ARL15: variants seen among roughly 807,000 people sequenced by gnomAD.
ARL15 encodes ARF like GTPase 15.
Under a neutral mutation model 25.2 loss-of-function variants are expected in ARL15, and 19 were observed. That is an observed-to-expected ratio of 0.75 (90% CI 0.53 to 1.10). The LOEUF is 1.10. ARL15 is among the 50% of genes least tolerant of loss of function. The pLI is 0.00. For synonymous variants in ARL15, 94 were observed against 86.8 expected, an observed-to-expected ratio of 1.08 and a Z score of -0.46; for missense variants, 220 against 246.0, an observed-to-expected ratio of 0.89 and a Z score of 0.71.
At chr5:53,996,618 T>TAAAAA (rs529752025) in intron 4 of ARL15, among the ~76,000 whole-genome samples, 3 of 98,852 alleles carry the variant, frequency 3.0e-5, no homozygotes, top group African/African-American at 1.1e-4. Flanking sequence ...GACTGTCTCA[T>TAAAAA]AAAAAAAAAA....
chr5:53,956,201 G>T (rs895002771), intron 4 of ARL15, among the ~76,000 whole-genome samples: 9 of 151,884 alleles, frequency 5.9e-5, no homozygotes, highest in Non-Finnish European at 1.2e-4. Context: ...CTGAATGGAA[G>T]CTAAAGGAAT....
At chr5:53,891,945 A>G (rs1297648116) in intron 4 of ARL15, among the ~76,000 whole-genome samples, 1 of 152,318 alleles carries the variant, frequency 6.6e-6, no homozygotes, top group East Asian at 1.9e-4. Context: ...CAAAACAACA[A>G]CAGCAGTGGT....
chr5:54,294,058 G>A (rs1002807136), intron 1 of ARL15, among the ~76,000 whole-genome samples: 7 of 152,062 alleles, frequency 4.6e-5, no homozygotes, highest in African/African-American at 4.8e-5. Context: ...CATGTGATCC[G>A]CCTGCCTCGG....
chr5:53,917,565 C>T (rs1318887325), intron 4 of ARL15, among the ~76,000 whole-genome samples: 3 of 152,112 alleles, frequency 2.0e-5, no homozygotes, highest in Non-Finnish European at 4.4e-5. Context: ...AGAAAACAAC[C>T]CCACCTCCTG....
chr5:53,977,377 T>A (rs913748541), intron 4 of ARL15, among the ~76,000 whole-genome samples: 51 of 141,218 alleles, frequency 3.6e-4, no homozygotes, highest in Admixed American at 3.0e-3. Flanking sequence ...AAAAAAAAAA[T>A]TCCCACTAAT....
At chr5:53,948,892 C>T (rs187466396) in intron 4 of ARL15, among the ~76,000 whole-genome samples, 3 of 152,140 alleles carry the variant, frequency 2.0e-5, no homozygotes, top group East Asian at 1.9e-4. Flanking sequence ...GTACATAGCC[C>T]GGAGCTGAAG....
At chr5:54,055,401 C>T (rs1750836870) in intron 4 of ARL15, among the ~76,000 whole-genome samples, 2 of 146,172 alleles carry the variant, frequency 1.4e-5, no homozygotes, top group South Asian at 4.4e-4. Context: ...TGCTCTGTCG[C>T]CCAGGCTGGA....
intron 4 of ARL15, among the ~76,000 whole-genome samples, chr5:54,051,904 G>T (rs1421389173): frequency 6.6e-6 from 1 of 152,128 alleles, no homozygotes; most frequent in African/African-American, 2.4e-5. Context: ...TCTTCCAATA[G>T]AAGAATCGAC....
At chr5:53,890,002 A>G (rs558562600) in intron 4 of ARL15, among the ~76,000 whole-genome samples, 3 of 152,172 alleles carry the variant, frequency 2.0e-5, no homozygotes, top group Non-Finnish European at 2.9e-5. Context: ...TAGTAGAGAC[A>G]GAATTTCACC....
intron 4 of ARL15, among the ~76,000 whole-genome samples, chr5:54,011,267 A>G (rs910686651): frequency 1.3e-5 from 2 of 152,180 alleles, no homozygotes; most frequent in African/African-American, 4.8e-5. Flanking sequence ...AGATTATAAA[A>G]CTGTAAAATT....
At chr5:54,087,063 G>A (rs115885520) in intron 4 of ARL15, among the ~76,000 whole-genome samples, 6,681 of 152,156 alleles carry the variant, frequency 0.044, 232 homozygotes, top group Middle Eastern at 0.068. Flanking sequence ...GTCACTGGGC[G>A]TGGTGGCTCA....
intron 4 of ARL15, among the ~76,000 whole-genome samples, chr5:54,043,205 C>CT (rs34940501): frequency 1.0e-3 from 152 of 149,998 alleles, no homozygotes; most frequent in Non-Finnish European, 1.1e-3. Flanking sequence ...ACACATGCCT[C>CT]TTTTTTTTTT....
chr5:54,220,455 G>C (rs1756342211), intron 1 of ARL15, among the ~76,000 whole-genome samples: 1 of 152,176 alleles, frequency 6.6e-6, no homozygotes, highest in Non-Finnish European at 1.5e-5. Flanking sequence ...TTTCTCCCCA[G>C]AGCACGTCTT....
intron 1 of ARL15, among the ~76,000 whole-genome samples, chr5:54,195,685 C>T (rs1011775262): frequency 2.0e-5 from 3 of 152,134 alleles, no homozygotes; most frequent in Non-Finnish European, 4.4e-5. Context: ...GATCAGTGCT[C>T]AATCCTTCAA....
Position 54,020,791 on chromosome 5 carries a change from T to TAAAA in ARL15, c.462+92407_462+92410dup, listed in dbSNP as rs146286288. 1.4e-3 allele frequency among the ~76,000 whole-genome samples: 209 copies of TAAAA among 147,796 alleles called. 1 individual carries two copies. The highest frequency in any genetic ancestry group is 0.01 in the East Asian group (50 of 4,890). ...GTGAAACCTGGTCTCTAATAAAAAT[T>TAAAA]AAAAGAAAAAAAAATTAGCTGGCTG... On this transcript the variant is annotated intron_variant, in intron 4 of 4. Transcript: ENST00000504924.
chr5:54,017,604 AC>A (rs376547508), intron 4 of ARL15, among the ~76,000 whole-genome samples: 22 of 127,458 alleles, frequency 1.7e-4, no homozygotes, highest in African/African-American at 7.2e-4. Context: ...AAAAAAAAAA[AC>A]CCAAACCAAA....
At chr5:54,046,555 A>G (rs1467096338) in intron 4 of ARL15, among the ~76,000 whole-genome samples, 1 of 152,214 alleles carries the variant, frequency 6.6e-6, no homozygotes, top group Non-Finnish European at 1.5e-5. Flanking sequence ...TTAAAAAATC[A>G]TGCAAAATAC....
chr5:54,250,304 C>T (rs935893425), intron 1 of ARL15, among the ~76,000 whole-genome samples: 2 of 152,140 alleles, frequency 1.3e-5, no homozygotes, highest in African/African-American at 4.8e-5. Context: ...CAGGCCCCAC[C>T]TTCAACACGA....
In ARL15 at chr5:54,235,396, C is replaced by A. The variant is rs10054410; in HGVS notation, c.49-63468G>T. Among the ~76,000 whole-genome samples, 551 of 152,068 alleles carry A rather than the reference C, an allele frequency of 3.6e-3. 5 individuals carry two copies. The highest frequency in any genetic ancestry group is 0.013 in the African/African-American group (524 of 41,474). On this transcript the variant is annotated intron_variant, in intron 1 of 4. Coordinates refer to ENST00000504924, the MANE Select transcript of ARL15 (RefSeq NM_019087.3). ...ATGGTTAAACTAAAAAATGTAGTCA[C>A]AGAATAACGGGTGGCATGATCTAAT...
Sources: allele counts gnomAD v4.1 joint callset (sites outside exome capture counted in the v4.1 genomes callset), GRCh38; gene constraint gnomAD v4.1.1; transcripts MANE v1.5; gene names NCBI Gene and HGNC (gene_info 2026-07-23, HGNC 2026-07-21).